WDFY2: variants seen among roughly 807,000 people sequenced by gnomAD.
WDFY2 encodes WD repeat and FYVE domain-containing protein 2.
In WDFY2, 36 loss-of-function variants were observed where a neutral mutation model predicts 56.4. The ratio of observed to expected loss-of-function variants is 0.64; its 90% CI spans 0.49 to 0.84. The LOEUF is 0.84. Ranked by LOEUF, WDFY2 falls within the 40% of genes least tolerant of loss-of-function variation. WDFY2 has a pLI of 0.00. For synonymous variants in WDFY2, 176 were observed against 183.7 expected (o/e 0.96, Z 0.34); for missense variants, 444 against 512.2 (o/e 0.87, Z 1.29).
At chr13:51,758,411 C>T (rs577168405) in intron 11 of WDFY2, 111 bp downstream of exon 11, 2 of 663,918 alleles carry the variant, frequency 3.0e-6, no homozygotes, top group South Asian at 4.7e-5. Flanking sequence ...GGTAGCCGGC[C>T]ATGGTGGCAT....
At chr13:51,683,291 C>G (rs1221676858) in intron 3 of WDFY2, among the ~76,000 whole-genome samples, 1 of 152,242 alleles carries the variant, frequency 6.6e-6, no homozygotes, top group African/African-American at 2.4e-5. Flanking sequence ...TGTGGTCCTA[C>G]AACTTTTAAA....
chr13:51,727,709 G>A lies in WDFY2; in HGVS notation c.517G>A (p.Gly173Ser), dbSNP rs770357867. ...TGTTGAAACCCGGCATGTGTTTATC[G>A]GTGACCACTCAGGCCAAGTAACAAT... Reference protein sequence around the residue: ...FDVETRHVFIGDHSGQVTILK... With the variant: ...FDVETRHVFISDHSGQVTILK... Residue 173 changes from glycine (G) to serine (S), a missense_variant, in exon 6 of 12, where the codon GGT becomes AGT. Physicochemically the swap from Gly to Ser is moderately conservative, Grantham distance 56 (BLOSUM62 0). Transcript: ENST00000298125. 5 of 1,613,878 alleles carry A rather than the reference G, an allele frequency of 3.1e-6. No homozygotes were observed. Among genetic ancestry groups the A allele is most frequent in the South Asian group, 1.1e-5 (1 of 91,030 alleles).
chr13:51,718,556 TCATACA>T (rs891627141), intron 4 of WDFY2, among the ~76,000 whole-genome samples: 2 of 99,892 alleles, frequency 2.0e-5, no homozygotes, highest in African/African-American at 8.1e-5. Context: ...TTATTATCAT[TCATACA>T]CACACACACA....
chr13:51,653,530 G>T (rs1955446754), intron 1 of WDFY2, among the ~76,000 whole-genome samples: 1 of 152,156 alleles, frequency 6.6e-6, no homozygotes, highest in African/African-American at 2.4e-5. Context: ...CATCTTTGTG[G>T]TTTTGTCTAC....
intron 3 of WDFY2, among the ~76,000 whole-genome samples, chr13:51,695,214 G>A (rs902278467): frequency 1.3e-4 from 20 of 152,184 alleles, no homozygotes; most frequent in South Asian, 4.1e-4. Context: ...GCTTTGTTCC[G>A]TTGCTGGTGA....
intron 1 of WDFY2, among the ~76,000 whole-genome samples, chr13:51,643,812 A>G (rs1955219380): frequency 1.3e-5 from 2 of 151,704 alleles, no homozygotes; most frequent in South Asian, 4.2e-4. Context: ...CCCTGTATTT[A>G]TATGACCTTT....
intron 1 of WDFY2, chr13:51,594,138 A>G (rs1274604465): frequency 6.6e-6 from 1 of 152,218 alleles, no homozygotes; most frequent in African/African-American, 2.4e-5. Flanking sequence ...ACTATAGCCC[A>G]GAACTTCTGG....
rs916340484 is a variant in WDFY2, at chr13:51,767,659, A to G, written c.*7890A>G. 1 of 154,736 alleles carries G rather than the reference A, an allele frequency of 6.5e-6. No individual in the cohort carries two copies. The highest frequency in any genetic ancestry group is 6.3e-5 in the Admixed American group (1 of 15,910). The allele number at this position is 154,736 out of a possible 1,614,324, so 9.6% of individuals were successfully genotyped here. ...CAGATGCATTACTGAAGCCACTCCT[A>G]ATCTTAAGCAAATGTAAACTAGGCC... On this transcript the variant is annotated 3_prime_UTR_variant, in exon 12 of 12. Coordinates refer to ENST00000298125, the MANE Select transcript of WDFY2 (RefSeq NM_052950.4).
intron 1 of WDFY2, among the ~76,000 whole-genome samples, chr13:51,630,968 C>T (rs1471116851): frequency 2.6e-5 from 4 of 151,216 alleles, no homozygotes; most frequent in Non-Finnish European, 4.4e-5. Flanking sequence ...TTAGTACAGA[C>T]GGGGTTTCAC....
At chr13:51,666,156 G>C (rs963794222) in intron 2 of WDFY2, among the ~76,000 whole-genome samples, 1 of 152,210 alleles carries the variant, frequency 6.6e-6, no homozygotes, top group Admixed American at 6.5e-5. Flanking sequence ...TGAGAGAAAG[G>C]CTATTTGTGG....
At chr13:51,659,366 C>T (rs1391606509) in intron 1 of WDFY2, among the ~76,000 whole-genome samples, 1 of 152,148 alleles carries the variant, frequency 6.6e-6, no homozygotes, top group East Asian at 1.9e-4. Flanking sequence ...TAAAAGTGCT[C>T]AGTTTGTCAC....
At chr13:51,750,995 T>C (rs1233500358) in intron 7 of WDFY2, among the ~76,000 whole-genome samples, 3 of 152,130 alleles carry the variant, frequency 2.0e-5, no homozygotes, top group African/African-American at 4.8e-5. Flanking sequence ...CACATTTTGA[T>C]CACTTAAGGA....
chr13:51,678,383 T>A, intron 3 of WDFY2, among the ~76,000 whole-genome samples: 1 of 152,334 alleles, frequency 6.6e-6, no homozygotes. Flanking sequence ...TAAACACTAT[T>A]ATTATTTAAT....
chr13:51,649,351 G>C (rs928311214), intron 1 of WDFY2, among the ~76,000 whole-genome samples: 2 of 151,864 alleles, frequency 1.3e-5, no homozygotes, highest in Admixed American at 1.3e-4. Flanking sequence ...ATTTGGCCCT[G>C]TCCTGTTACT....
At position 51,643,721 on chromosome 13, in the gene WDFY2, A is replaced by T. The variant is rs546687383; in HGVS notation, c.138-16875A>T. Among the ~76,000 whole-genome samples, 53 of 152,168 alleles carry T rather than the reference A, an allele frequency of 3.5e-4. No homozygotes were observed. The South Asian group carries it at 7.7e-3, about 22-fold the overall frequency. ...CTTCTGGTGCATTGCTGTTCCTGCT[A>T]CTTCCTTGTGGGTTCTTCCTCACCA... is the stretch of plus-strand genomic sequence containing the variant. On this transcript the variant is annotated intron_variant, in intron 1 of 11. Coordinates refer to ENST00000298125, the MANE Select transcript of WDFY2 (RefSeq NM_052950.4).
intron 1 of WDFY2, among the ~76,000 whole-genome samples, chr13:51,636,642 A>G (rs1178142995): frequency 2.6e-5 from 4 of 152,234 alleles, no homozygotes; most frequent in Admixed American, 2.0e-4. Context: ...CAAACGTTCA[A>G]GAGGTCTGGG....
chr13:51,671,240 A>G (rs1955801538), intron 2 of WDFY2, among the ~76,000 whole-genome samples: 1 of 152,106 alleles, frequency 6.6e-6, no homozygotes, highest in African/African-American at 2.4e-5. Context: ...CAGTAGTGAG[A>G]TTGCTGGATC....
At chr13:51,738,354 A>G (rs1378689694) in intron 6 of WDFY2, among the ~76,000 whole-genome samples, 1 of 152,196 alleles carries the variant, frequency 6.6e-6, no homozygotes, top group Non-Finnish European at 1.5e-5. Context: ...ACCCACATCT[A>G]TACTGCACAA....
intron 7 of WDFY2, among the ~76,000 whole-genome samples, chr13:51,749,068 A>G (rs1953167788): frequency 6.6e-6 from 1 of 152,208 alleles, no homozygotes; most frequent in African/African-American, 2.4e-5. Context: ...AGACATTAGA[A>G]AGGCTCGCAA....
Sources: gnomAD v4.1 joint callset for allele counts (sites outside exome capture counted in the v4.1 genomes callset) on GRCh38, gnomAD v4.1.1 for gene constraint, MANE v1.5 for transcripts, NCBI Gene and HGNC (gene_info 2026-07-23, HGNC 2026-07-21) for gene names.